Variants in CDH13 observed in about 807,000 individuals in gnomAD.
CDH13 encodes the protein cadherin-13.
CDH13 carries 24 observed loss-of-function variants against 63.8 expected under a neutral mutation model. The observed-to-expected ratio is 0.38, with a 90% CI of 0.27 to 0.53. CDH13 has a LOEUF of 0.53. Ranked by LOEUF, CDH13 falls within the 20% of genes least tolerant of loss-of-function variation. The pLI is 0.85. For synonymous variants in CDH13, 503 were observed against 355.3 expected, an observed-to-expected ratio of 1.42 and a Z score of -4.67; for missense variants, 1,049 against 903.1, an observed-to-expected ratio of 1.16 and a Z score of -2.07.
rs1487940193 is a variant in CDH13 at position 83,170,993 on chromosome 16, C to T, written c.483+45492C>T. Reference sequence around the variant, plus strand: ...CCCCATCAGTCTTTTTACCCGCCCGCCTCCTTTTTTTTGAGGGAAGCTGTA... The same window carrying T: ...CCCCATCAGTCTTTTTACCCGCCCGTCTCCTTTTTTTTGAGGGAAGCTGTA... On this transcript the variant is annotated intron_variant, in intron 4 of 13. Transcript: ENST00000567109. 2.0e-5 allele frequency among the ~76,000 whole-genome samples: 3 copies of T among 151,748 alleles called. No individual in the cohort carries two copies. The East Asian group carries it at 5.8e-4, about 29-fold the overall frequency.
At chr16:82,627,337 C>CGT (rs71146081) in intron 1 of CDH13, among the ~76,000 whole-genome samples, 200 bp downstream of exon 1, 4,509 of 131,158 alleles carry the variant, frequency 0.034, 151 homozygotes, top group African/African-American at 0.09. Context: ...CTCTGGCGTG[C>CGT]GTGTGTGTGT....
intron 2 of CDH13, among the ~76,000 whole-genome samples, chr16:83,000,858 C>T (rs1237009512): frequency 6.6e-6 from 1 of 152,142 alleles, no homozygotes; most frequent in Non-Finnish European, 1.5e-5. Flanking sequence ...GGATTACCGG[C>T]GTGAGCCACC....
At chr16:82,873,668 G>C (rs1391670703) in intron 2 of CDH13, among the ~76,000 whole-genome samples, 1 of 152,220 alleles carries the variant, frequency 6.6e-6, no homozygotes, top group Non-Finnish European at 1.5e-5. Context: ...AGTGACAGCA[G>C]TGCCTGCTAC....
At chr16:83,227,208 C>T (rs960709688) in intron 5 of CDH13, among the ~76,000 whole-genome samples, 6 of 152,182 alleles carry the variant, frequency 3.9e-5, no homozygotes, top group African/African-American at 7.2e-5. Flanking sequence ...GAACAGGTGG[C>T]CAAGGATTAC....
intron 8 of CDH13, among the ~76,000 whole-genome samples, chr16:83,646,712 A>AAAAACACACACACAC (rs1168012793): frequency 6.2e-5 from 5 of 80,490 alleles, no homozygotes; most frequent in African/African-American, 1.8e-4. Context: ...AAAAAAAAAA[A>AAAAACACACACACAC]ACACACACAC....
rs139093079 is a variant in CDH13, at chr16:82,645,867, G to A, written c.45+18730G>A. On this transcript the variant is annotated intron_variant, in intron 1 of 13. Transcript: ENST00000567109. ...TTCCAAAGGGCATTTAAGAAGCTAA[G>A]GTATTCGTAAGGAATTTAGCAAAGA... Among the ~76,000 whole-genome samples, 676 of 152,308 alleles carry A rather than the reference G, an allele frequency of 4.4e-3. 2 individuals carry two copies. Among genetic ancestry groups the A allele is most frequent in the Non-Finnish European group, 6.9e-3 (469 of 68,030 alleles).
At chr16:83,538,695 G>C (rs2075242482) in intron 7 of CDH13, among the ~76,000 whole-genome samples, 1 of 152,156 alleles carries the variant, frequency 6.6e-6, no homozygotes, top group African/African-American at 2.4e-5. Flanking sequence ...AGAAAGAAAG[G>C]CATAGCTCTT....
chr16:83,258,784 A>G (rs1906609876), intron 5 of CDH13, among the ~76,000 whole-genome samples: 1 of 152,222 alleles, frequency 6.6e-6, no homozygotes, highest in Admixed American at 6.5e-5. Flanking sequence ...TTAAAAGTTA[A>G]TGGCACAGAG....
intron 8 of CDH13, among the ~76,000 whole-genome samples, chr16:83,643,628 T>G (rs1345743302): frequency 1.3e-5 from 2 of 152,166 alleles, no homozygotes; most frequent in Non-Finnish European, 2.9e-5. Context: ...CTTTGGGTGA[T>G]CTTGGCCTTT....
At chr16:82,742,713 A>G (rs182235420) in intron 1 of CDH13, among the ~76,000 whole-genome samples, 79 of 152,342 alleles carry the variant, frequency 5.2e-4, no homozygotes, top group Non-Finnish European at 9.3e-4. Flanking sequence ...TTCCCTTTGC[A>G]TAATTGTAAC....
chr16:82,868,017 C>G (rs1220666543), intron 2 of CDH13, among the ~76,000 whole-genome samples: 4 of 152,178 alleles, frequency 2.6e-5, no homozygotes, highest in Non-Finnish European at 4.4e-5. Flanking sequence ...TTCACACATC[C>G]TTTACATATT....
intron 1 of CDH13, among the ~76,000 whole-genome samples, chr16:82,656,453 T>G (rs1050745094): frequency 3.3e-5 from 5 of 152,140 alleles, no homozygotes; most frequent in African/African-American, 1.2e-4. Context: ...CAGCAAAATT[T>G]GGTGGAAGGT....
chr16:82,648,219 T>C (rs1238178091), intron 1 of CDH13, among the ~76,000 whole-genome samples: 3 of 152,236 alleles, frequency 2.0e-5, no homozygotes, highest in Admixed American at 6.5e-5. Flanking sequence ...AAAATAGTCA[T>C]GCACTTTGGG....
At chr16:83,561,684 C>G (rs982693687) in intron 7 of CDH13, among the ~76,000 whole-genome samples, 1 of 152,012 alleles carries the variant, frequency 6.6e-6, no homozygotes, top group Non-Finnish European at 1.5e-5. Flanking sequence ...ATTATACTAC[C>G]TAATATAGAA....
intron 9 of CDH13, among the ~76,000 whole-genome samples, chr16:83,678,003 C>A (rs902566797): frequency 2.0e-5 from 3 of 152,068 alleles, no homozygotes; most frequent in East Asian, 1.9e-4. Flanking sequence ...CAAAAAAAAA[C>A]CAACATCCAT....
intron 3 of CDH13, among the ~76,000 whole-genome samples, chr16:83,094,912 A>G (rs1006587741): frequency 6.6e-6 from 1 of 152,194 alleles, no homozygotes; most frequent in Non-Finnish European, 1.5e-5. Flanking sequence ...TCTGTAAGTT[A>G]TTGAAAACCG....
At chr16:83,524,368 C>T (rs1262955526) in intron 7 of CDH13, among the ~76,000 whole-genome samples, 1 of 151,130 alleles carries the variant, frequency 6.6e-6, no homozygotes. Context: ...ATTGTAGGAG[C>T]AGGAAGTTCA....
intron 3 of CDH13, among the ~76,000 whole-genome samples, chr16:83,116,316 G>T (rs762241487): frequency 2.1e-4 from 32 of 152,184 alleles, no homozygotes; most frequent in Non-Finnish European, 4.3e-4. Flanking sequence ...GGAGGTCAGG[G>T]GGATGGGGCG....
intron 8 of CDH13, among the ~76,000 whole-genome samples, chr16:83,621,277 T>G (rs1909787266): frequency 6.6e-6 from 1 of 152,138 alleles, no homozygotes; most frequent in South Asian, 2.1e-4. Context: ...GACTCTCCAG[T>G]GGTCTAGCCC....
Sources: gnomAD v4.1 joint callset for allele counts (sites outside exome capture counted in the v4.1 genomes callset) on GRCh38, gnomAD v4.1.1 for gene constraint, MANE v1.5 for transcripts, NCBI Gene and HGNC (gene_info 2026-07-23, HGNC 2026-07-21) for gene names.